The following ARHGAP42 variants were observed in gnomAD, a reference collection of about 807,000 sequenced individuals.
The protein encoded by ARHGAP42 is rho GTPase-activating protein 42.
ARHGAP42 carries 63 observed loss-of-function variants against 125.0 expected under a neutral mutation model. That is an observed-to-expected ratio of 0.50 (90% confidence interval 0.41 to 0.62). The LOEUF (loss-of-function observed/expected upper bound fraction) is 0.62. ARHGAP42 is among the 20% of genes least tolerant of loss of function. The pLI is 0.00. For synonymous variants in ARHGAP42, 339 were observed against 351.0 expected, an observed-to-expected ratio of 0.97 and a Z score of 0.38; for missense variants, 766 against 1,024.2, an observed-to-expected ratio of 0.75 and a Z score of 3.44.
chr11:100,912,293 T>C (rs1342073545), intron 4 of ARHGAP42, among the ~76,000 whole-genome samples: 1 of 152,170 alleles, frequency 6.6e-6, no homozygotes, highest in South Asian at 2.1e-4. Context: ...CCACCACCCA[T>C]CCGTCTGTGC....
At chr11:100,785,841 TAGC>T (rs1023945466) in intron 2 of ARHGAP42, among the ~76,000 whole-genome samples, 3 of 152,208 alleles carry the variant, frequency 2.0e-5, no homozygotes, top group African/African-American at 7.2e-5. Context: ...TCCTGTAATG[TAGC>T]AGGATACAGG....
Position 100,722,059 on chromosome 11 carries a change from TA to T in ARHGAP42, c.154+34229del, listed in dbSNP as rs1861768136. Among the ~76,000 whole-genome samples, 3 of 152,312 alleles carry T rather than the reference TA, an allele frequency of 2.0e-5. No homozygotes were observed. The South Asian group carries it at 6.2e-4, about 32-fold the overall frequency. On this transcript the variant is annotated intron_variant, in intron 1 of 23. Transcript: ENST00000298815. ...GTGGCTGTACCATTTTGCATTTCCATAAGCAATGAGTAAGAGTTCCTGTTGC... is the reference window on the plus strand; with the variant it reads ...GTGGCTGTACCATTTTGCATTTCCATAGCAATGAGTAAGAGTTCCTGTTGC...
chr11:100,811,219 G>A (rs1412516946), intron 3 of ARHGAP42, among the ~76,000 whole-genome samples: 3 of 152,184 alleles, frequency 2.0e-5, no homozygotes, highest in Non-Finnish European at 4.4e-5. Context: ...GCCTCCCAAA[G>A]TGCTAGGATG....
chr11:100,948,492 C>T lies in ARHGAP42; in HGVS notation c.1079C>T (p.Ala360Val), dbSNP rs1394445309. Residue 360 changes from alanine to valine, a missense_variant, in exon 11 of 24, where the codon GCT (alanine) becomes GTT (valine). Physicochemically the swap from Ala to Val is moderately conservative, Grantham distance 64. This residue lies in a region of ARHGAP42 where 455 missense variants were observed against 636.5 expected (regional missense o/e 0.71). Transcript: ENST00000298815. ...ATCACGTTACAGGCCTTCTCAGAAG[C>T]TAATAGGAAACTCTGGCTTGAAGCC... ...GIITLQAFSE[A>V]NRKLWLEAMD... is the part of the protein sequence containing the mutation. 12 of 1,550,064 alleles carry T rather than the reference C, an allele frequency of 7.7e-6. No homozygotes were observed. In the East Asian group the frequency reaches 2.2e-4, roughly 28 times the overall value.
At chr11:100,946,482 C>T (rs1868021858) in intron 10 of ARHGAP42, among the ~76,000 whole-genome samples, 1 of 152,020 alleles carries the variant, frequency 6.6e-6, no homozygotes, top group African/African-American at 2.4e-5. Flanking sequence ...TCATTTATAG[C>T]TTTTGATTTA....
intron 6 of ARHGAP42, among the ~76,000 whole-genome samples, chr11:100,926,019 TAAA>T (rs1353614496): frequency 6.6e-6 from 1 of 152,152 alleles, no homozygotes; most frequent in Non-Finnish European, 1.5e-5. Flanking sequence ...ACAAACAGCT[TAAA>T]TAAGAGTTGT....
intron 1 of ARHGAP42, among the ~76,000 whole-genome samples, chr11:100,736,355 C>A (rs1765488283): frequency 6.6e-6 from 1 of 152,184 alleles, no homozygotes; most frequent in South Asian, 2.1e-4. Context: ...TTGAGGATGG[C>A]TCTGGTGAGA....
At chr11:100,828,690 CTTT>C (rs770379228) in intron 3 of ARHGAP42, among the ~76,000 whole-genome samples, 1 of 143,952 alleles carries the variant, frequency 6.9e-6, no homozygotes, top group Non-Finnish European at 1.5e-5. Flanking sequence ...TTCTGTTTGT[CTTT>C]TTTTTTTTTT....
At chr11:100,751,773 C>CT (rs757372755) in intron 1 of ARHGAP42, among the ~76,000 whole-genome samples, 2,105 of 84,366 alleles carry the variant, frequency 0.025, 259 homozygotes, top group African/African-American at 0.033. Flanking sequence ...AGACAGGCAC[C>CT]TTTTTTTTTT....
chr11:100,794,039 G>A (rs1863641848), intron 2 of ARHGAP42, among the ~76,000 whole-genome samples: 1 of 118,180 alleles, frequency 8.5e-6, no homozygotes, highest in Non-Finnish European at 1.6e-5. Context: ...TTTCACCACT[G>A]CTCTCCAATC....
chr11:100,782,219 T>G (rs1001506004), intron 2 of ARHGAP42, among the ~76,000 whole-genome samples: 16 of 152,182 alleles, frequency 1.1e-4, no homozygotes, highest in Non-Finnish European at 4.4e-5. Flanking sequence ...GGCCTTTAAT[T>G]GCAGTTGCGC....
At chr11:100,926,504 A>G (rs1468988314) in intron 6 of ARHGAP42, among the ~76,000 whole-genome samples, 1 of 152,238 alleles carries the variant, frequency 6.6e-6, no homozygotes, top group Non-Finnish European at 1.5e-5. Flanking sequence ...TAAAATTAGA[A>G]GAAAATAAGA....
chr11:100,895,292 T>C (rs1254560696), intron 4 of ARHGAP42, among the ~76,000 whole-genome samples: 2 of 152,110 alleles, frequency 1.3e-5, no homozygotes, highest in African/African-American at 4.8e-5. Context: ...GCTCACAGCT[T>C]AGTCTAAGAT....
chr11:100,826,110 C>G (rs1864510595), intron 3 of ARHGAP42, among the ~76,000 whole-genome samples: 1 of 151,992 alleles, frequency 6.6e-6, no homozygotes, highest in South Asian at 2.1e-4. Context: ...CCCACACCTC[C>G]CCTCACTTCT....
intron 1 of ARHGAP42, among the ~76,000 whole-genome samples, chr11:100,716,434 A>T (rs1861661956): frequency 1.3e-5 from 2 of 152,240 alleles, no homozygotes; most frequent in Non-Finnish European, 2.9e-5. Flanking sequence ...TGCTGTTGGT[A>T]ATTAATGAAG....
chr11:100,721,495 C>T (rs1451741032), intron 1 of ARHGAP42, among the ~76,000 whole-genome samples: 3 of 144,116 alleles, frequency 2.1e-5, no homozygotes, highest in East Asian at 2.0e-4. Context: ...TTTTTGGAGG[C>T]GGAGTCTTGT....
At chr11:100,722,448 A>G (rs1861776727) in intron 1 of ARHGAP42, among the ~76,000 whole-genome samples, 1 of 148,570 alleles carries the variant, frequency 6.7e-6, no homozygotes, top group Non-Finnish European at 1.5e-5. Flanking sequence ...GCTGGAGTGC[A>G]GTGGCACGAT....
chr11:100,827,165 A>G lies in ARHGAP42; in HGVS notation c.312+31999A>G, dbSNP rs145038464. ...ATTACATGGGCTGCCACCACGCCCA[A>G]CTAATTTTTGTATTTTTAGTAGAGA... On this transcript the variant is annotated intron_variant, in intron 3 of 23. Coordinates refer to ENST00000298815, the MANE Select transcript of ARHGAP42 (RefSeq NM_152432.4). Among the ~76,000 whole-genome samples the G allele has an allele frequency of 2.6e-3, 396 of 151,968 alleles. 3 individuals are homozygous for G. The highest frequency in any genetic ancestry group is 9.3e-3 in the African/African-American group (384 of 41,480).
At chr11:100,933,811 T>C (rs1361396500) in intron 7 of ARHGAP42, among the ~76,000 whole-genome samples, 2 of 151,954 alleles carry the variant, frequency 1.3e-5, no homozygotes, top group Non-Finnish European at 2.9e-5. Flanking sequence ...TTTTTAAAGA[T>C]GGAGCTTCGC....
Sources: gnomAD v4.1 joint callset for allele counts (sites outside exome capture counted in the v4.1 genomes callset) on GRCh38, gnomAD v4.1.1 for gene constraint, gnomAD v4.1.1 regional missense constraint, MANE v1.5 for transcripts, NCBI Gene and HGNC (gene_info 2026-07-23, HGNC 2026-07-21) for gene names.